The following ENTPD1 variants were observed in gnomAD, a reference collection of about 807,000 sequenced individuals.
ENTPD1 encodes the protein ectonucleoside triphosphate diphosphohydrolase 1.
In ENTPD1, 33 loss-of-function variants were observed where a neutral mutation model predicts 57.0. That is an observed-to-expected ratio of 0.58 (90% CI 0.44 to 0.77). The LOEUF (loss-of-function observed/expected upper bound fraction) is 0.77, where lower values mean the gene tolerates loss of function less well. ENTPD1 is among the 30% of genes least tolerant of loss of function. The pLI, the probability that ENTPD1 is intolerant of heterozygous loss-of-function variation, is 0.00. For missense variants in ENTPD1, 501 were observed against 603.4 expected (o/e 0.83, Z 1.78); for synonymous variants, 202 against 218.8 (o/e 0.92, Z 0.68).
chr10:95,866,578 A>G lies in ENTPD1; in HGVS notation c.*195A>G. 1 of 1,440,012 alleles carries G rather than the reference A, an allele frequency of 6.9e-7. No homozygotes were observed. The highest frequency in any genetic ancestry group is 9.1e-7 in the Non-Finnish European group (1 of 1,101,260). 89.2% of individuals were successfully genotyped at this position (1,440,012 alleles called of 1,614,324 possible). ...TCCTTTGCCTCAAGGACTTCGGCAG[A>G]TACTGTCTCTTTCATGAGTTTTTCC... On this transcript the variant is annotated 3_prime_UTR_variant, in exon 10 of 10. Transcript: ENST00000371205.
chr10:95,750,349 G>A (rs2098010393), intron 1 of ENTPD1, among the ~76,000 whole-genome samples: 1 of 152,108 alleles, frequency 6.6e-6, no homozygotes, highest in African/African-American at 2.4e-5. Flanking sequence ...TTTGGGTCCT[G>A]GGGGCAGATC....
intron 7 of ENTPD1, among the ~76,000 whole-genome samples, chr10:95,853,893 C>T (rs1424935119): frequency 1.3e-5 from 2 of 152,082 alleles, no homozygotes; most frequent in Non-Finnish European, 2.9e-5. Context: ...CTAAAATTCT[C>T]TTTTTTTGTT....
intron 1 of ENTPD1, among the ~76,000 whole-genome samples, chr10:95,762,141 T>C (rs2098066403): frequency 6.7e-6 from 1 of 150,292 alleles, no homozygotes; most frequent in Admixed American, 6.7e-5. Flanking sequence ...TGGCAGTACA[T>C]GCCCTGTTAC....
intron 1 of ENTPD1, among the ~76,000 whole-genome samples, chr10:95,728,923 A>G (rs2097986475): frequency 6.6e-6 from 1 of 152,198 alleles, no homozygotes; most frequent in Non-Finnish European, 1.5e-5. Context: ...TTAACTTTTT[A>G]TAATAGAGTT....
chr10:95,710,957 A>G (rs1299757135), upstream of ENTPD1, among the ~76,000 whole-genome samples: 1 of 152,146 alleles, frequency 6.6e-6, no homozygotes, highest in Non-Finnish European at 1.5e-5. Context: ...CCAGGATCCC[A>G]GAAAATGGTA....
chr10:95,732,845 A>G (rs2097990727), intron 1 of ENTPD1, among the ~76,000 whole-genome samples: 1 of 152,178 alleles, frequency 6.6e-6, no homozygotes, highest in Non-Finnish European at 1.5e-5. Context: ...TGAATAGGGT[A>G]TGGGTCACAG....
intron 1 of ENTPD1, among the ~76,000 whole-genome samples, chr10:95,712,237 A>G (rs1310391211): frequency 6.6e-6 from 1 of 152,154 alleles, no homozygotes; most frequent in African/African-American, 2.4e-5. Context: ...GTTGTGTCAT[A>G]AAGAAGGATG....
rs555740399 is a variant in ENTPD1 at position 95,871,520 on chromosome 10, C to G, written c.*5137C>G. 2 of 985,366 alleles carry G rather than the reference C, an allele frequency of 2.0e-6. No homozygotes were observed. Among genetic ancestry groups the G allele is most frequent in the East Asian group, 1.1e-4 (1 of 8,810 alleles). The allele number at this position is 985,366 out of a possible 1,614,324, so 61.0% of individuals were successfully genotyped here. ...AATTACCCAACTTTTTATTTGCATA[C>G]AAATCTAATACAACTGAACACAATC... On this transcript the variant is annotated 3_prime_UTR_variant, in exon 10 of 10. Transcript: ENST00000371205.
chr10:95,850,413 C>T (rs2098442934), intron 7 of ENTPD1, among the ~76,000 whole-genome samples: 1 of 152,024 alleles, frequency 6.6e-6, no homozygotes, highest in African/African-American at 2.4e-5. Context: ...TGTCTGTTTC[C>T]TCATCTGTAC....
At chr10:95,805,913 T>C (rs972772706) in intron 1 of ENTPD1, among the ~76,000 whole-genome samples, 2 of 152,248 alleles carry the variant, frequency 1.3e-5, no homozygotes, top group Non-Finnish European at 2.9e-5. Flanking sequence ...TCTCTCTGGC[T>C]GCCCTTAACA....
chr10:95,876,254 A>G lies in ENTPD1; in HGVS notation c.*9871A>G. The G allele has an allele frequency of 1.0e-6, 1 of 979,170 alleles. No individual in the cohort carries two copies. Among genetic ancestry groups the G allele is most frequent in the Non-Finnish European group, 1.2e-6 (1 of 824,198 alleles). 60.7% of individuals were successfully genotyped at this position (979,170 alleles called of 1,614,324 possible). ...CATAATGTAGATTGCTAATTTTATA[A>G]TAACACAAGTTGATTTTGACATCCA... On this transcript the variant is annotated 3_prime_UTR_variant, in exon 10 of 10. Transcript: ENST00000371205.
chr10:95,757,302 A>C (rs778549447), intron 1 of ENTPD1, among the ~76,000 whole-genome samples: 2 of 152,224 alleles, frequency 1.3e-5, no homozygotes, highest in Non-Finnish European at 2.9e-5. Flanking sequence ...TACAAGTGCT[A>C]TCATTGACAT....
intron 1 of ENTPD1, among the ~76,000 whole-genome samples, chr10:95,713,587 G>A (rs914702754): frequency 6.6e-6 from 1 of 152,220 alleles, no homozygotes; most frequent in Admixed American, 6.5e-5. Flanking sequence ...CACACCTGTG[G>A]CCTGGGTTTG....
At chr10:95,794,426 C>T (rs1305332497) in intron 1 of ENTPD1, among the ~76,000 whole-genome samples, 1 of 152,156 alleles carries the variant, frequency 6.6e-6, no homozygotes, top group Non-Finnish European at 1.5e-5. Flanking sequence ...GGTCCTTGCC[C>T]TCCTACCCAG....
At chr10:95,733,492 G>A (rs979157986) in intron 1 of ENTPD1, among the ~76,000 whole-genome samples, 3 of 152,204 alleles carry the variant, frequency 2.0e-5, no homozygotes, top group Non-Finnish European at 4.4e-5. Flanking sequence ...AATCACAAGA[G>A]TATTGATTAG....
Position 95,868,309 on chromosome 10 carries a change from A to C in ENTPD1, c.*1926A>C, listed in dbSNP as rs2098476599. 1 of 985,464 alleles carries C rather than the reference A, an allele frequency of 1.0e-6. No homozygotes were observed. The highest frequency in any genetic ancestry group is 1.2e-6 in the Non-Finnish European group (1 of 829,926). 61.0% of individuals were successfully genotyped at this position (985,464 alleles called of 1,614,324 possible). A position where few individuals can be genotyped will look rare whatever the true frequency, so the allele number is the denominator to read the frequency against. ...AAAACTCCACATGAATACAAGGTTC[A>C]TGGGACTTGGTATTCATAGAAAGGG... On this transcript the variant is annotated 3_prime_UTR_variant, in exon 10 of 10. Transcript: ENST00000371205.
chr10:95,814,634 C>G (rs147954899), intron 1 of ENTPD1, among the ~76,000 whole-genome samples: 6 of 152,212 alleles, frequency 3.9e-5, no homozygotes, highest in African/African-American at 1.4e-4. Context: ...GGGGTCCACT[C>G]AGTATCAGCC....
intron 2 of ENTPD1, among the ~76,000 whole-genome samples, chr10:95,831,157 TGA>T (rs1342349782): frequency 6.6e-6 from 1 of 152,214 alleles, no homozygotes; most frequent in Non-Finnish European, 1.5e-5. Context: ...CGGTTAATGC[TGA>T]GAGAAAACTC....
chr10:95,715,551 G>C (rs1183553217), intron 1 of ENTPD1, among the ~76,000 whole-genome samples: 1 of 151,670 alleles, frequency 6.6e-6, no homozygotes, highest in Non-Finnish European at 1.5e-5. Flanking sequence ...ATTCAGTGTA[G>C]TTATTGGTAT....
Sources: allele counts gnomAD v4.1 joint callset (sites outside exome capture counted in the v4.1 genomes callset), GRCh38; gene constraint gnomAD v4.1.1; transcripts MANE v1.5; gene names NCBI Gene and HGNC (gene_info 2026-07-23, HGNC 2026-07-21).